Variants in FGF14 observed in about 807,000 individuals in gnomAD.
FGF14 encodes fibroblast growth factor 14.
FGF14 carries 5 observed loss-of-function variants against 25.5 expected under a neutral mutation model. The observed-to-expected ratio is 0.20, with a 90% CI of 0.10 to 0.41. The LOEUF (loss-of-function observed/expected upper bound fraction) is 0.41, where lower values mean the gene tolerates loss of function less well. FGF14 is among the 10% of genes least tolerant of loss of function. The pLI is 1.00. For synonymous variants in FGF14, 138 were observed against 118.3 expected (o/e 1.17, Z -1.08); for missense variants, 222 against 320.1 (o/e 0.69, Z 2.34).
chr13:102,299,328 T>C (rs2054901562), intron 1 of FGF14, among the ~76,000 whole-genome samples: 1 of 152,078 alleles, frequency 6.6e-6, no homozygotes, highest in Admixed American at 6.6e-5. Flanking sequence ...GAGAAACCAA[T>C]CCAGGGGAGT....
chr13:102,126,287 T>C (rs1189734274), intron 1 of FGF14, among the ~76,000 whole-genome samples: 1 of 152,184 alleles, frequency 6.6e-6, no homozygotes, highest in African/African-American at 2.4e-5. Flanking sequence ...ATTTCCCTAT[T>C]CTAGGAACTT....
chr13:102,288,310 AAAACTGGTTC>A (rs1319941237), intron 1 of FGF14, among the ~76,000 whole-genome samples: 1 of 152,212 alleles, frequency 6.6e-6, no homozygotes, highest in Non-Finnish European at 1.5e-5. Flanking sequence ...AATTAACAGA[AAAACTGGTTC>A]AAAGATCTAA....
At chr13:101,744,153 ACTT>A in intron 3 of FGF14, among the ~76,000 whole-genome samples, 1 of 152,230 alleles carries the variant, frequency 6.6e-6, no homozygotes, top group South Asian at 2.1e-4. Flanking sequence ...AGGAATATAA[ACTT>A]CTGCCTTTAT....
chr13:102,359,600 T>C (rs1052912144), intron 1 of FGF14, among the ~76,000 whole-genome samples: 8 of 152,220 alleles, frequency 5.3e-5, no homozygotes, highest in Admixed American at 2.0e-4. Flanking sequence ...AATTTGAAAA[T>C]TGGTAACAGT....
intron 1 of FGF14, among the ~76,000 whole-genome samples, chr13:102,042,061 C>T (rs1331637427): frequency 6.6e-6 from 1 of 152,150 alleles, no homozygotes; most frequent in African/African-American, 2.4e-5. Flanking sequence ...AGCAAACTTT[C>T]CTTCCTTAGT....
intron 1 of FGF14, among the ~76,000 whole-genome samples, chr13:102,058,252 C>G (rs1380352012): frequency 6.6e-6 from 1 of 152,154 alleles, no homozygotes; most frequent in African/African-American, 2.4e-5. Context: ...ATTTTATTAA[C>G]AATCTCTTTG....
intron 1 of FGF14, among the ~76,000 whole-genome samples, chr13:102,020,088 T>C (rs773796179): frequency 3.3e-5 from 5 of 152,092 alleles, no homozygotes; most frequent in Non-Finnish European, 4.4e-5. Context: ...ATGATGTTGA[T>C]GATAATGAAT....
chr13:102,340,939 TTTA>T (rs889550848), intron 1 of FGF14, among the ~76,000 whole-genome samples: 9 of 152,210 alleles, frequency 5.9e-5, no homozygotes, highest in Non-Finnish European at 8.8e-5. Flanking sequence ...TGCTGAGATT[TTTA>T]TTAAGTAAAA....
chr13:102,339,603 A>C (rs949756595), intron 1 of FGF14, among the ~76,000 whole-genome samples: 8 of 152,174 alleles, frequency 5.3e-5, no homozygotes, highest in Non-Finnish European at 1.2e-4. Flanking sequence ...CATTATTGAA[A>C]GTTAGAATCG....
intron 1 of FGF14, among the ~76,000 whole-genome samples, chr13:102,105,377 C>A (rs1360242159): frequency 1.3e-5 from 2 of 152,184 alleles, no homozygotes; most frequent in Non-Finnish European, 2.9e-5. Flanking sequence ...TGGTTGACCT[C>A]TATCGGTGAC....
At chr13:102,142,184 TTGGAG>T (rs1427017861) in intron 1 of FGF14, among the ~76,000 whole-genome samples, 1 of 152,186 alleles carries the variant, frequency 6.6e-6, no homozygotes. Context: ...CTTACAATCT[TTGGAG>T]TGATTTTCTC....
intron 1 of FGF14, among the ~76,000 whole-genome samples, chr13:102,019,779 G>T (rs2040538165): frequency 6.6e-6 from 1 of 152,122 alleles, no homozygotes; most frequent in African/African-American, 2.4e-5. Context: ...TGCAAGAACT[G>T]CACACTTTAA....
intron 3 of FGF14, among the ~76,000 whole-genome samples, chr13:101,859,193 G>C (rs1424878237): frequency 1.3e-5 from 2 of 152,050 alleles, no homozygotes; most frequent in Non-Finnish European, 2.9e-5. Context: ...TTAATAAAAT[G>C]TACTGTGAAA....
chr13:102,381,263 CTA>C (rs2058177170), intron 1 of FGF14, among the ~76,000 whole-genome samples: 1 of 152,142 alleles, frequency 6.6e-6, no homozygotes, highest in African/African-American at 2.4e-5. Flanking sequence ...TACAAATAGT[CTA>C]GTGTTTGCTG....
At chr13:101,902,021 A>G (rs2031626354) in intron 1 of FGF14, among the ~76,000 whole-genome samples, 2 of 152,196 alleles carry the variant, frequency 1.3e-5, no homozygotes, top group African/African-American at 4.8e-5. Context: ...CAATGCAGAT[A>G]ATGATGAAGT....
chr13:102,222,480 C>T (rs1473053542), intron 1 of FGF14, among the ~76,000 whole-genome samples: 1 of 152,144 alleles, frequency 6.6e-6, no homozygotes, highest in African/African-American at 2.4e-5. Flanking sequence ...GGTTTGCCAT[C>T]GCCAGCTTAA....
intron 1 of FGF14, among the ~76,000 whole-genome samples, chr13:101,951,176 C>T (rs996363247): frequency 1.3e-5 from 2 of 152,096 alleles, no homozygotes; most frequent in African/African-American, 2.4e-5. Flanking sequence ...AGGCTAAGAA[C>T]GTTGTCCTTT....
intron 3 of FGF14, among the ~76,000 whole-genome samples, chr13:101,851,354 C>T (rs749534633): frequency 1.3e-5 from 2 of 151,892 alleles, no homozygotes; most frequent in African/African-American, 4.8e-5. Flanking sequence ...GATTTCTCCC[C>T]CTGAGCCCTC....
intron 1 of FGF14, among the ~76,000 whole-genome samples, chr13:102,303,073 G>T (rs148383705): frequency 6.6e-6 from 1 of 152,158 alleles, no homozygotes; most frequent in East Asian, 1.9e-4. Flanking sequence ...CTTTCTCCCC[G>T]ACTCACTCTG....
Sources: gnomAD v4.1 joint callset for allele counts (sites outside exome capture counted in the v4.1 genomes callset) on GRCh38, gnomAD v4.1.1 for gene constraint, MANE v1.5 for transcripts, NCBI Gene and HGNC (gene_info 2026-07-23, HGNC 2026-07-21) for gene names.